SLC49A4: variants seen among roughly 807,000 people sequenced by gnomAD.
The protein encoded by SLC49A4 is disrupted in renal cancer protein 2.
SLC49A4 carries 36 observed loss-of-function variants against 50.6 expected under a neutral mutation model. That is an observed-to-expected ratio of 0.71 (90% CI 0.55 to 0.94). The LOEUF is 0.94. SLC49A4 is among the 40% of genes least tolerant of loss of function. The probability of loss-of-function intolerance (pLI) is 0.00; values close to 1 mark genes in which losing one functional copy is unlikely to be tolerated. For synonymous variants in SLC49A4, 248 were observed against 241.2 expected (o/e 1.03, Z -0.26); for missense variants, 503 against 605.7 (o/e 0.83, Z 1.78).
chr3:122,796,680 A>G (rs1453372931), intron 1 of SLC49A4, among the ~76,000 whole-genome samples: 2 of 152,224 alleles, frequency 1.3e-5, no homozygotes, highest in Non-Finnish European at 2.9e-5. Flanking sequence ...ATCACCTTCC[A>G]AAGGCTGCAC....
At chr3:122,873,765 C>A (rs1430052978) in intron 8 of SLC49A4, among the ~76,000 whole-genome samples, 1 of 152,196 alleles carries the variant, frequency 6.6e-6, no homozygotes, top group Non-Finnish European at 1.5e-5. Context: ...GGAAAAGTGC[C>A]ATCACCAGAA....
intron 5 of SLC49A4, among the ~76,000 whole-genome samples, chr3:122,855,097 CAA>C (rs767446582): frequency 2.6e-5 from 3 of 117,246 alleles, no homozygotes; most frequent in African/African-American, 9.5e-5. Context: ...TGTCTCAAAA[CAA>C]AAAAAAAAAA....
intron 2 of SLC49A4, among the ~76,000 whole-genome samples, chr3:122,816,516 C>G (rs1206859358): frequency 6.6e-6 from 1 of 152,102 alleles, no homozygotes; most frequent in Non-Finnish European, 1.5e-5. Flanking sequence ...ATATGTTGTG[C>G]CTTTGTGAAT....
chr3:122,840,805 T>C (rs944738180), intron 4 of SLC49A4, among the ~76,000 whole-genome samples: 1 of 152,164 alleles, frequency 6.6e-6, no homozygotes, highest in Admixed American at 6.6e-5. Flanking sequence ...GCACTGTTTA[T>C]CCTAAGTTAA....
At chr3:122,834,364 CT>C in intron 4 of SLC49A4, among the ~76,000 whole-genome samples, 1 of 152,218 alleles carries the variant, frequency 6.6e-6, no homozygotes, top group Non-Finnish European at 1.5e-5. Context: ...TATCAAGTAT[CT>C]TCTGTGACCA....
intron 2 of SLC49A4, among the ~76,000 whole-genome samples, chr3:122,815,593 C>T (rs1240966176): frequency 1.3e-5 from 2 of 152,208 alleles, no homozygotes; most frequent in African/African-American, 4.8e-5. Flanking sequence ...TGTCCATGCA[C>T]TCCCCTCTTC....
At chr3:122,872,067 G>A (rs530373991) in intron 7 of SLC49A4, among the ~76,000 whole-genome samples, 80 of 151,772 alleles carry the variant, frequency 5.3e-4, no homozygotes, top group South Asian at 1.7e-3. Flanking sequence ...TAGATTTTAC[G>A]CTCTCTTTCT....
intron 1 of SLC49A4, among the ~76,000 whole-genome samples, chr3:122,796,157 C>T (rs1376553230): frequency 6.6e-6 from 1 of 152,118 alleles, no homozygotes; most frequent in African/African-American, 2.4e-5. Context: ...TAGAATGGTA[C>T]CCTGGACATC....
chr3:122,831,913 A>G (rs1936613856), intron 3 of SLC49A4, among the ~76,000 whole-genome samples: 1 of 151,936 alleles, frequency 6.6e-6, no homozygotes, highest in East Asian at 1.9e-4. Flanking sequence ...AGAACAGTTC[A>G]TTAACTTCTT....
At chr3:122,826,011 A>G (rs897256118) in intron 2 of SLC49A4, among the ~76,000 whole-genome samples, 51 of 152,194 alleles carry the variant, frequency 3.4e-4, no homozygotes, top group African/African-American at 1.2e-3. Flanking sequence ...GAATTAGAGT[A>G]TGAGAACTGG....
At chr3:122,846,985 A>G (rs1442374524) in intron 5 of SLC49A4, among the ~76,000 whole-genome samples, 1 of 152,186 alleles carries the variant, frequency 6.6e-6, no homozygotes, top group Non-Finnish European at 1.5e-5. Context: ...TAACAGAGAG[A>G]GTGGTATGGG....
At chr3:122,844,385 A>G (rs1338458424) in intron 4 of SLC49A4, among the ~76,000 whole-genome samples, 1 of 152,068 alleles carries the variant, frequency 6.6e-6, no homozygotes, top group Non-Finnish European at 1.5e-5. Flanking sequence ...AGCTTTTTTT[A>G]AACTACCTAC....
intron 4 of SLC49A4, among the ~76,000 whole-genome samples, chr3:122,842,394 G>A (rs1262082454): frequency 6.7e-6 from 1 of 148,648 alleles, no homozygotes; most frequent in African/African-American, 2.5e-5. Flanking sequence ...GCTGAGGCAG[G>A]AGAATGGCGT....
intron 8 of SLC49A4, among the ~76,000 whole-genome samples, chr3:122,873,806 C>T (rs1369001845): frequency 6.6e-6 from 1 of 152,234 alleles, no homozygotes; most frequent in Non-Finnish European, 1.5e-5. Context: ...TTAGTTTTCT[C>T]AACAACGAAG....
At chr3:122,802,382 A>G (rs1936146040) in intron 1 of SLC49A4, among the ~76,000 whole-genome samples, 1 of 152,178 alleles carries the variant, frequency 6.6e-6, no homozygotes, top group African/African-American at 2.4e-5. Context: ...CATAGCTAGA[A>G]TTCTTAAGGT....
intron 2 of SLC49A4, among the ~76,000 whole-genome samples, chr3:122,825,646 AG>A (rs1936515796): frequency 6.6e-6 from 1 of 151,470 alleles, no homozygotes; most frequent in Admixed American, 6.6e-5. Flanking sequence ...AAAAAAAAAA[AG>A]AGGATTTGAG....
chr3:122,816,451 C>T (rs951123153), intron 2 of SLC49A4, among the ~76,000 whole-genome samples: 1 of 152,168 alleles, frequency 6.6e-6, no homozygotes, highest in South Asian at 2.1e-4. Context: ...GGTATTGCTG[C>T]GGCCACAGGT....
In SLC49A4 at chr3:122,817,786, G is replaced by A. The variant is rs181873356; in HGVS notation, c.438-9014G>A. 3.9e-5 allele frequency among the ~76,000 whole-genome samples: 5 copies of A among 126,920 alleles called. No individual in the cohort carries two copies. In the East Asian group the frequency reaches 1.0e-3, roughly 27 times the overall value. The allele number at this position is 126,920 out of a possible 152,430, so 83.3% of individuals were successfully genotyped here. On this transcript the variant is annotated intron_variant, in intron 2 of 8. Coordinates refer to ENST00000261038, the MANE Select transcript of SLC49A4 (RefSeq NM_032839.3). ...TTTTTTTTTTTTTTTGTAGAGACAGGGTTTCACTATGTTGCCCAGGCTGGT... is the reference window on the plus strand; with the variant it reads ...TTTTTTTTTTTTTTTGTAGAGACAGAGTTTCACTATGTTGCCCAGGCTGGT...
chr3:122,876,370 G>T (rs561688345), intron 8 of SLC49A4, among the ~76,000 whole-genome samples: 3 of 152,210 alleles, frequency 2.0e-5, no homozygotes, highest in Admixed American at 6.5e-5. Context: ...ATGTGAGGCT[G>T]TGTTGTCACT....
Sources: allele counts gnomAD v4.1 joint callset (sites outside exome capture counted in the v4.1 genomes callset), GRCh38; gene constraint gnomAD v4.1.1; transcripts MANE v1.5; gene names NCBI Gene and HGNC (gene_info 2026-07-23, HGNC 2026-07-21).